EPB41L4B: variants seen among roughly 807,000 people sequenced by gnomAD.
The protein encoded by EPB41L4B is band 4.1-like protein 4B.
EPB41L4B carries 30 observed loss-of-function variants against 112.5 expected under a neutral mutation model. The ratio of observed to expected loss-of-function variants is 0.27; its 90% CI spans 0.20 to 0.36. The LOEUF is 0.36. EPB41L4B is among the 10% of genes least tolerant of loss of function. The pLI, the probability that EPB41L4B is intolerant of heterozygous loss-of-function variation, is 1.00. For missense variants in EPB41L4B, 1,024 were observed against 1,133.3 expected (o/e 0.90, Z 1.38); for synonymous variants, 408 against 439.7 (o/e 0.93, Z 0.90).
intron 1 of EPB41L4B, among the ~76,000 whole-genome samples, chr9:109,318,682 A>G (rs1335074192): frequency 6.6e-6 from 1 of 152,120 alleles, no homozygotes; most frequent in African/African-American, 2.4e-5. Flanking sequence ...CTGAATAAAA[A>G]GCTGGAGAGC....
At chr9:109,234,667 C>A (rs573159892) in intron 15 of EPB41L4B, among the ~76,000 whole-genome samples, 14 of 152,144 alleles carry the variant, frequency 9.2e-5, no homozygotes, top group Non-Finnish European at 1.9e-4. Context: ...GAGTTCACAC[C>A]AGCCTGTGCA....
chr9:109,209,644 C>CT (rs1833094390), intron 17 of EPB41L4B, among the ~76,000 whole-genome samples: 1 of 119,704 alleles, frequency 8.4e-6, no homozygotes, highest in South Asian at 2.9e-4. Flanking sequence ...AAAACCCTGT[C>CT]TCAAAAAAAA....
intron 25 of EPB41L4B, among the ~76,000 whole-genome samples, 168 bp from the exon 26 acceptor site, chr9:109,174,791 G>A (rs376544609): frequency 3.3e-5 from 5 of 151,982 alleles, no homozygotes; most frequent in Admixed American, 1.3e-4. Flanking sequence ...ATCTGAAATT[G>A]GCTACTTACT....
At chr9:109,302,161 C>T (rs1442022791) in intron 1 of EPB41L4B, among the ~76,000 whole-genome samples, 1 of 152,202 alleles carries the variant, frequency 6.6e-6, no homozygotes, top group African/African-American at 2.4e-5. Flanking sequence ...CATATTCTTA[C>T]CCAAGTGGTA....
At chr9:109,220,265 G>A (rs1267334757) in intron 15 of EPB41L4B, among the ~76,000 whole-genome samples, 2 of 152,214 alleles carry the variant, frequency 1.3e-5, no homozygotes, top group South Asian at 4.1e-4. Context: ...GCAAAGGAAC[G>A]GTGGTTGAAA....
chr9:109,190,040 A>G (rs772014544), intron 22 of EPB41L4B, among the ~76,000 whole-genome samples: 6 of 152,152 alleles, frequency 3.9e-5, no homozygotes, highest in Non-Finnish European at 7.3e-5. Flanking sequence ...GGTTCAAATG[A>G]TTCTCTTGCC....
chr9:109,303,655 G>GT (rs1554765179), intron 1 of EPB41L4B, among the ~76,000 whole-genome samples: 158 of 151,204 alleles, frequency 1.0e-3, no homozygotes, highest in Admixed American at 2.5e-3. Context: ...GCCTGGCTGG[G>GT]TTTTTTTTCT....
chr9:109,223,910 T>G (rs1833676559), intron 15 of EPB41L4B, among the ~76,000 whole-genome samples: 2 of 152,018 alleles, frequency 1.3e-5, no homozygotes, highest in South Asian at 4.2e-4. Flanking sequence ...TCCCAGCTAC[T>G]CTGGAGGCTG....
At position 109,269,714 on chromosome 9, in the gene EPB41L4B, C is replaced by T. The variant is rs3793557; in HGVS notation, c.412-1281G>A. On this transcript the variant is annotated intron_variant, in intron 2 of 25. Coordinates refer to ENST00000374566, the MANE Select transcript of EPB41L4B (RefSeq NM_019114.5). Reference sequence around the variant, plus strand: ...TGCTGGAACTTCTCTGTTAGAAAGACGGCTGGGGTGATACAAGCAGAGTGG... The same window carrying T: ...TGCTGGAACTTCTCTGTTAGAAAGATGGCTGGGGTGATACAAGCAGAGTGG... 6.1e-3 allele frequency among the ~76,000 whole-genome samples: 932 copies of T among 152,246 alleles called. 21 individuals carry two copies. In the East Asian group the frequency reaches 0.094, roughly 15 times the overall value.
rs948161589 is a variant in EPB41L4B, at chr9:109,255,663, G to A, written c.1017C>T (p.His339=). ...CACTGTCTAACCGGAACACAAACGT[G>A]TGCTCTTGCTCACGTCCCTTAAAGA... ...EDDDQGREQE[H]TFVFRLDSAR... Residue 339 remains histidine (H), a synonymous_variant, in exon 11 of 26, where the codon CAC becomes CAT. Coordinates refer to ENST00000374566, the MANE Select transcript of EPB41L4B (RefSeq NM_019114.5). 6.2e-7 allele frequency: 1 copy of A among 1,612,908 alleles called. No individual in the cohort carries two copies. Among genetic ancestry groups the A allele is most frequent in the Non-Finnish European group, 8.5e-7 (1 of 1,179,058 alleles).
intron 2 of EPB41L4B, among the ~76,000 whole-genome samples, chr9:109,278,805 G>A (rs1835931244): frequency 6.6e-6 from 1 of 152,200 alleles, no homozygotes; most frequent in Non-Finnish European, 1.5e-5. Flanking sequence ...TCCATAAATA[G>A]ATTTAGATTG....
At chr9:109,232,241 C>T (rs193264428) in intron 15 of EPB41L4B, among the ~76,000 whole-genome samples, 83 of 152,152 alleles carry the variant, frequency 5.5e-4, no homozygotes, top group Non-Finnish European at 9.7e-4. Context: ...ATCTGCCCAC[C>T]TTGGCCTCCC....
rs768700716 is a variant in EPB41L4B at position 109,243,667 on chromosome 9, T to C, written c.1360A>G (p.Asn454Asp). ...VHNYQPQYHP[N>D]IHPSQPRWHP... is the part of the protein sequence containing the mutation. Reference sequence around the variant, plus strand: ...CACCGGGGCTGGCTGGGATGGATATTAGGATGATATTGAGGCTAGAAATAA... The same window carrying C: ...CACCGGGGCTGGCTGGGATGGATATCAGGATGATATTGAGGCTAGAAATAA... Residue 454 changes from asparagine to aspartate, a missense_variant, in exon 15 of 26, where the codon AAT becomes GAT. By Grantham distance (23) the Asn-to-Asp change is conservative. Coordinates refer to ENST00000374566, the MANE Select transcript of EPB41L4B (RefSeq NM_019114.5). The C allele has an allele frequency of 1.7e-5, 27 of 1,614,072 alleles. No individual in the cohort carries two copies. The South Asian group carries it at 2.9e-4, about 17-fold the overall frequency.
At chr9:109,180,968 T>C (rs1832030582) in intron 24 of EPB41L4B, among the ~76,000 whole-genome samples, 1 of 120,284 alleles carries the variant, frequency 8.3e-6, no homozygotes, top group Non-Finnish European at 1.8e-5. Context: ...ATTATCAAAC[T>C]CTCTCTTTGT....
Position 109,229,762 on chromosome 9 carries a change from G to C in EPB41L4B, c.1410-12617C>G, listed in dbSNP as rs958518398. Among the ~76,000 whole-genome samples the C allele has an allele frequency of 3.3e-5, 5 of 152,314 alleles. No individual in the cohort carries two copies. In the South Asian group the frequency reaches 6.2e-4, roughly 19 times the overall value. On this transcript the variant is annotated intron_variant, in intron 15 of 25. Transcript: ENST00000374566. The stretch of plus-strand genomic sequence containing the variant: ...CCAACTGGTAAGCCTCAGAAGGGTT[G>C]CAAGTGGGCTGAACCATTTATTCTC...
At chr9:109,261,049 C>T (rs979400811) in intron 6 of EPB41L4B, among the ~76,000 whole-genome samples, 4 of 152,200 alleles carry the variant, frequency 2.6e-5, no homozygotes, top group African/African-American at 9.6e-5. Context: ...GGCTGTCAAG[C>T]CTGATGGTGT....
chr9:109,227,774 G>T (rs1291321614), intron 15 of EPB41L4B, among the ~76,000 whole-genome samples: 1 of 152,060 alleles, frequency 6.6e-6, no homozygotes, highest in Non-Finnish European at 1.5e-5. Context: ...TAGAGACAGG[G>T]TTTCACCATG....
rs146287554 is a variant in EPB41L4B, at chr9:109,305,328, G to A, written c.306+14813C>T. Among the ~76,000 whole-genome samples, 281 of 152,288 alleles carry A rather than the reference G, an allele frequency of 1.8e-3. 4 individuals are homozygous for A. In the East Asian group the frequency reaches 0.051, roughly 28 times the overall value. On this transcript the variant is annotated intron_variant, in intron 1 of 25. Transcript: ENST00000374566. ...AGGGATAAGAATCAGCCAATACGAA[G>A]GCAGCACAGGCCGGATGAGGTGGCC... is the stretch of plus-strand genomic sequence containing the variant.
At chr9:109,249,878 C>T (rs981070037) in intron 13 of EPB41L4B, among the ~76,000 whole-genome samples, 1 of 152,146 alleles carries the variant, frequency 6.6e-6, no homozygotes, top group African/African-American at 2.4e-5. Flanking sequence ...AGAACAAAAC[C>T]CAGAGACAAA....
Sources: allele counts gnomAD v4.1 joint callset (sites outside exome capture counted in the v4.1 genomes callset), GRCh38; gene constraint gnomAD v4.1.1; transcripts MANE v1.5; gene names NCBI Gene and HGNC (gene_info 2026-07-23, HGNC 2026-07-21).